GPAT3: variants seen among roughly 807,000 people sequenced by gnomAD.
GPAT3 encodes the protein 1-AGP acyltransferase 9.
Under a neutral mutation model 58.8 loss-of-function variants are expected in GPAT3, and 53 were observed. That is an observed-to-expected ratio of 0.90 (90% CI 0.72 to 1.13). GPAT3 has a LOEUF of 1.13. Ranked by LOEUF, GPAT3 falls within the 50% of genes most tolerant of loss-of-function variation. The pLI is 0.00. For synonymous variants in GPAT3, 197 were observed against 187.4 expected, an observed-to-expected ratio of 1.05 and a Z score of -0.42; for missense variants, 511 against 527.6, an observed-to-expected ratio of 0.97 and a Z score of 0.31.
At chr4:83,590,421 A>T (rs189330417) in intron 6 of GPAT3, 129 bp downstream of exon 6, 2 of 756,720 alleles carry the variant, frequency 2.6e-6, no homozygotes, top group African/African-American at 1.8e-5. Context: ...TTGTAGCTAT[A>T]TAAGTTATGT....
intron 1 of GPAT3, among the ~76,000 whole-genome samples, chr4:83,539,906 C>T (rs1478404409): frequency 6.6e-6 from 1 of 151,974 alleles, no homozygotes; most frequent in African/African-American, 2.4e-5. Flanking sequence ...GCCTGTAATC[C>T]CAGCACTTTG....
chr4:83,583,727 C>A (rs1222670121), intron 3 of GPAT3, among the ~76,000 whole-genome samples: 5 of 142,186 alleles, frequency 3.5e-5, no homozygotes, highest in African/African-American at 1.3e-4. Flanking sequence ...GTGACTCTTG[C>A]CTGTAATCCC....
rs542465016 is a variant in GPAT3, at chr4:83,547,343, C to G, written c.208+2741C>G. On this transcript the variant is annotated intron_variant, in intron 2 of 11. Coordinates refer to ENST00000264409, the MANE Select transcript of GPAT3 (RefSeq NM_032717.5). ...TCTCGGCTCACTGCAAGCTCCGCCT[C>G]CCAGATTCACGCCATTCTCCTGCCT... is the stretch of plus-strand genomic sequence containing the variant. Among the ~76,000 whole-genome samples the G allele has an allele frequency of 4.1e-3, 614 of 149,850 alleles. 6 individuals are homozygous for G. Among genetic ancestry groups the G allele is most frequent in the Non-Finnish European group, 6.5e-3 (442 of 67,554 alleles).
chr4:83,563,983 G>A (rs763772027), intron 2 of GPAT3, among the ~76,000 whole-genome samples: 3 of 152,136 alleles, frequency 2.0e-5, no homozygotes, highest in Non-Finnish European at 2.9e-5. Flanking sequence ...CCCAACCTTT[G>A]CTGCTTAAAA....
chr4:83,588,357 C>A, intron 5 of GPAT3, 58 bp downstream of exon 5: 1 of 1,522,178 alleles, frequency 6.6e-7, no homozygotes. Context: ...ATGAGATTGA[C>A]AAGGAAGCAT....
intron 6 of GPAT3, among the ~76,000 whole-genome samples, chr4:83,592,173 A>G (rs1403118020): frequency 6.6e-6 from 1 of 152,188 alleles, no homozygotes; most frequent in Non-Finnish European, 1.5e-5. Flanking sequence ...AGTATAACCC[A>G]TTTGTAACCA....
At chr4:83,550,524 A>G (rs1724714100) in intron 2 of GPAT3, among the ~76,000 whole-genome samples, 1 of 152,192 alleles carries the variant, frequency 6.6e-6, no homozygotes, top group Non-Finnish European at 1.5e-5. Flanking sequence ...TGCTTGATTC[A>G]TTTATCAACG....
At chr4:83,544,326 C>T (rs913765978) in intron 1 of GPAT3, among the ~76,000 whole-genome samples, 1 of 152,132 alleles carries the variant, frequency 6.6e-6, no homozygotes, top group Non-Finnish European at 1.5e-5. Context: ...ATTGTCCTTT[C>T]CACATTTTAT....
intron 3 of GPAT3, 103 bp from the exon 4 acceptor site, chr4:83,587,152 T>C: frequency 1.2e-6 from 1 of 848,280 alleles, no homozygotes; most frequent in Non-Finnish European, 1.9e-6. Flanking sequence ...TTTCATCATG[T>C]GGATACTCTA....
At chr4:83,544,642 A>G (rs1724438688) in intron 2 of GPAT3, 40 bp downstream of exon 2, 2 of 1,595,200 alleles carry the variant, frequency 1.3e-6, no homozygotes, top group African/African-American at 2.7e-5. Flanking sequence ...CCATATTTAA[A>G]TTGGGTGGAT....
Position 83,536,239 on chromosome 4 carries a change from C to A in GPAT3, c.-384C>A. On this transcript the variant is annotated 5_prime_UTR_variant, in exon 1 of 12. Transcript: ENST00000264409. ...ATCTGCTGAGTTGTCGCAATCGCCA[C>A]CCAGAGGAAATCAGGCACCGGGCGG... 1.0e-6 allele frequency: 1 copy of A among 1,004,652 alleles called. No individual in the cohort carries two copies. The highest frequency in any genetic ancestry group is 1.2e-6 in the Non-Finnish European group (1 of 842,578). 62.2% of individuals were successfully genotyped at this position (1,004,652 alleles called of 1,614,324 possible).
chr4:83,582,656 G>T lies in GPAT3; in HGVS notation c.479+824G>T, dbSNP rs572078662. Reference sequence around the variant, plus strand: ...TACCTGCCAACTAAACTTGGCACATGAATTGAAATCTTTTTACCACCCCCA... The same window carrying T: ...TACCTGCCAACTAAACTTGGCACATTAATTGAAATCTTTTTACCACCCCCA... On this transcript the variant is annotated intron_variant, in intron 3 of 11. Coordinates refer to ENST00000264409, the MANE Select transcript of GPAT3 (RefSeq NM_032717.5). 3.3e-5 allele frequency among the ~76,000 whole-genome samples: 5 copies of T among 152,278 alleles called. No homozygotes were observed. The South Asian group carries it at 1.0e-3, about 32-fold the overall frequency.
intron 2 of GPAT3, among the ~76,000 whole-genome samples, chr4:83,566,226 A>C (rs996497930): frequency 1.3e-5 from 2 of 151,940 alleles, no homozygotes; most frequent in Admixed American, 6.6e-5. Flanking sequence ...TTTTGTAGAG[A>C]CGGCATTTCA....
rs370008160 is a variant in GPAT3, at chr4:83,598,114, C to T, written c.1060C>T (p.Leu354Phe). ...TAAATACAACATGGTGAGCTACCTGCTTCGAATGATGACCAGCTGGGCCAT... is the reference window on the plus strand; with the variant it reads ...TAAATACAACATGGTGAGCTACCTGTTTCGAATGATGACCAGCTGGGCCAT... ...SSKYNMVSYL[L>F]RMMTSWAIVC... The change falls in exon 10 of 12, where the codon CTT becomes TTT. Residue 354 changes from leucine to phenylalanine, a missense_variant. By Grantham distance (22) the Leu-to-Phe change is conservative. Transcript: ENST00000264409. 3.1e-6 allele frequency: 5 copies of T among 1,613,594 alleles called. No individual in the cohort carries two copies. The African/African-American group carries it at 6.7e-5, about 22-fold the overall frequency.
At chr4:83,566,189 G>A (rs1369606553) in intron 2 of GPAT3, among the ~76,000 whole-genome samples, 1 of 152,024 alleles carries the variant, frequency 6.6e-6, no homozygotes, top group African/African-American at 2.4e-5. Flanking sequence ...TGGCATCCCA[G>A]AAACTCTCTT....
chr4:83,603,519 G>A (rs1041093917), intron 11 of GPAT3, among the ~76,000 whole-genome samples: 11 of 152,126 alleles, frequency 7.2e-5, no homozygotes, highest in African/African-American at 2.2e-4. Context: ...GACCGGGCAC[G>A]GTGGCTCACG....
At chr4:83,583,916 C>T (rs1726266482) in intron 3 of GPAT3, among the ~76,000 whole-genome samples, 1 of 151,590 alleles carries the variant, frequency 6.6e-6, no homozygotes. Flanking sequence ...GCGGAGGTTG[C>T]AGTGAGACAC....
At chr4:83,568,972 G>A (rs897579634) in intron 2 of GPAT3, among the ~76,000 whole-genome samples, 24 of 152,152 alleles carry the variant, frequency 1.6e-4, no homozygotes, top group Admixed American at 2.0e-4. Flanking sequence ...CATAATATGT[G>A]AAATTAAGTG....
chr4:83,574,915 G>A (rs1287312194), intron 2 of GPAT3, among the ~76,000 whole-genome samples: 3 of 124,540 alleles, frequency 2.4e-5, no homozygotes, highest in Admixed American at 1.1e-4. Flanking sequence ...TCTCGCTATC[G>A]CCCAGGCCGG....
Sources: gnomAD v4.1 joint callset for allele counts (sites outside exome capture counted in the v4.1 genomes callset) on GRCh38, gnomAD v4.1.1 for gene constraint, MANE v1.5 for transcripts, NCBI Gene and HGNC (gene_info 2026-07-23, HGNC 2026-07-21) for gene names.